Variants in ADGRL3 observed in about 807,000 individuals in gnomAD.
ADGRL3 encodes the protein adhesion G protein-coupled receptor L3.
In ADGRL3, 62 loss-of-function variants were observed where a neutral mutation model predicts 153.5. The ratio of observed to expected loss-of-function variants is 0.40; its 90% CI spans 0.33 to 0.50. ADGRL3 has a LOEUF of 0.50. Among genes scored for constraint, ADGRL3 ranks in the 20% least tolerant of loss-of-function variants. The pLI is 0.47. For synonymous variants in ADGRL3, 710 were observed against 672.5 expected, an observed-to-expected ratio of 1.06 and a Z score of -0.86; for missense variants, 1,641 against 1,859.4, an observed-to-expected ratio of 0.88 and a Z score of 2.16.
chr4:61,965,618 G>T (rs1393569326), intron 17 of ADGRL3, among the ~76,000 whole-genome samples: 3 of 151,956 alleles, frequency 2.0e-5, no homozygotes, highest in Non-Finnish European at 2.9e-5. Context: ...AGGCTTGGTG[G>T]CAGGCACCTG....
intron 5 of ADGRL3, among the ~76,000 whole-genome samples, chr4:61,619,916 G>A (rs1419644378): frequency 6.6e-6 from 1 of 152,116 alleles, no homozygotes; most frequent in African/African-American, 2.4e-5. Flanking sequence ...TCTTGTAACG[G>A]CAAATAGTTA....
intron 1 of ADGRL3, among the ~76,000 whole-genome samples, chr4:61,240,336 C>T (rs1186717792): frequency 1.3e-5 from 2 of 152,102 alleles, no homozygotes; most frequent in African/African-American, 2.4e-5. Flanking sequence ...AATACTGTCA[C>T]ATTGGGTCTT....
intron 8 of ADGRL3, among the ~76,000 whole-genome samples, chr4:61,783,880 G>A (rs374271750): frequency 6.6e-6 from 1 of 151,942 alleles, no homozygotes; most frequent in South Asian, 2.1e-4. Context: ...GACACTCCTA[G>A]AAAATGAAGA....
chr4:61,760,393 C>A (rs950929207), intron 8 of ADGRL3, among the ~76,000 whole-genome samples: 1 of 152,122 alleles, frequency 6.6e-6, no homozygotes, highest in Non-Finnish European at 1.5e-5. Context: ...GCTGCCTTGC[C>A]GTTTGATCTC....
chr4:61,313,599 C>A (rs959448912), intron 1 of ADGRL3, among the ~76,000 whole-genome samples: 1 of 152,108 alleles, frequency 6.6e-6, no homozygotes, highest in Admixed American at 6.6e-5. Context: ...ATAACACAAC[C>A]AATTTTACCA....
At chr4:62,007,269 A>G (rs781481665) in intron 21 of ADGRL3, among the ~76,000 whole-genome samples, 6 of 147,232 alleles carry the variant, frequency 4.1e-5, no homozygotes, top group Non-Finnish European at 7.5e-5. Context: ...CTGCAAGGGA[A>G]TCTGGGAAAG....
At chr4:61,207,116 G>C (rs1008221576) in intron 1 of ADGRL3, among the ~76,000 whole-genome samples, 3 of 152,028 alleles carry the variant, frequency 2.0e-5, no homozygotes, top group East Asian at 3.9e-4. Context: ...TTGTTACACA[G>C]GTATACACGT....
chr4:61,871,455 G>T (rs964581353), intron 9 of ADGRL3, among the ~76,000 whole-genome samples: 12 of 152,166 alleles, frequency 7.9e-5, no homozygotes, highest in African/African-American at 2.9e-4. Flanking sequence ...ATGAGGTACT[G>T]ATTCAAGCTA....
chr4:61,857,557 A>G (rs76512065), intron 9 of ADGRL3, among the ~76,000 whole-genome samples: 1 of 151,950 alleles, frequency 6.6e-6, no homozygotes, highest in Non-Finnish European at 1.5e-5. Context: ...ATTGAGAAGA[A>G]CTTTGGAGGG....
At chr4:61,423,622 T>G (rs1355393869) in intron 2 of ADGRL3, among the ~76,000 whole-genome samples, 1 of 152,124 alleles carries the variant, frequency 6.6e-6, no homozygotes, top group East Asian at 1.9e-4. Context: ...GCCAACGGAT[T>G]AGGGCCAGTA....
chr4:61,733,512 G>A lies in ADGRL3; in HGVS notation c.1357G>A (p.Val453Met), dbSNP rs1298975938. The A allele has an allele frequency of 5.0e-6, 8 of 1,613,336 alleles. No individual in the cohort carries two copies. The highest frequency in any genetic ancestry group is 2.7e-5 in the African/African-American group (2 of 74,892). The change falls in exon 8 of 27, where the codon GTG (valine) becomes ATG (methionine). Residue 453 changes from valine to methionine, a missense_variant. Physicochemically the swap from Val to Met is conservative, Grantham distance 21. This residue lies in a region of ADGRL3 where 734 missense variants were observed against 797.0 expected (regional missense o/e 0.92). Coordinates refer to ENST00000683033, the MANE Select transcript of ADGRL3 (RefSeq NM_001387552.1). ...TTATGTATGGAATAACTATCACGTC[G>A]TGAAATATTCTTTGGATTTTGGACC... is the stretch of plus-strand genomic sequence containing the variant. ...LLYVWNNYHV[V>M]KYSLDFGPLD...
chr4:61,509,448 A>G (rs1014843505), intron 3 of ADGRL3, among the ~76,000 whole-genome samples: 4 of 152,150 alleles, frequency 2.6e-5, no homozygotes, highest in South Asian at 2.1e-4. Flanking sequence ...CTTAATGTCC[A>G]TAAGTTTCAA....
intron 4 of ADGRL3, among the ~76,000 whole-genome samples, chr4:61,556,809 G>A (rs2098769301): frequency 6.6e-6 from 1 of 152,178 alleles, no homozygotes; most frequent in Non-Finnish European, 1.5e-5. Context: ...TCAATGGTGG[G>A]TGCCCACTTT....
chr4:61,726,398 C>T (rs906445228), intron 6 of ADGRL3, among the ~76,000 whole-genome samples: 6 of 151,692 alleles, frequency 4.0e-5, no homozygotes, highest in African/African-American at 1.2e-4. Flanking sequence ...AGGGTTTCAC[C>T]GTGTTGGCCA....
intron 5 of ADGRL3, among the ~76,000 whole-genome samples, chr4:61,608,740 C>A (rs1014010664): frequency 2.6e-5 from 4 of 152,080 alleles, no homozygotes; most frequent in African/African-American, 9.7e-5. Context: ...TTTACTATAA[C>A]TTTTATTTAT....
At chr4:61,961,925 T>C (rs2098989353) in intron 17 of ADGRL3, among the ~76,000 whole-genome samples, 1 of 152,236 alleles carries the variant, frequency 6.6e-6, no homozygotes, top group African/African-American at 2.4e-5. Flanking sequence ...CAATAAATAC[T>C]CATATACCCC....
chr4:61,356,135 C>T (rs2096162443), intron 1 of ADGRL3, among the ~76,000 whole-genome samples: 1 of 151,972 alleles, frequency 6.6e-6, no homozygotes, highest in Non-Finnish European at 1.5e-5. Flanking sequence ...TTTTATTTGA[C>T]TCTTTTCTTT....
intron 17 of ADGRL3, among the ~76,000 whole-genome samples, chr4:61,950,424 C>T (rs1405719161): frequency 6.6e-6 from 1 of 152,084 alleles, no homozygotes; most frequent in Non-Finnish European, 1.5e-5. Context: ...TTGTGAAGAA[C>T]ATTTCAATCA....
At chr4:61,979,415 C>T (rs981936529) in intron 17 of ADGRL3, 148 bp from the exon 18 acceptor site, 1 of 696,222 alleles carries the variant, frequency 1.4e-6, no homozygotes, top group Non-Finnish European at 2.5e-6. Context: ...GAAGAGAAAA[C>T]CCAAATCATT....
Sources: gnomAD v4.1 joint callset for allele counts (sites outside exome capture counted in the v4.1 genomes callset) on GRCh38, gnomAD v4.1.1 for gene constraint, gnomAD v4.1.1 regional missense constraint, MANE v1.5 for transcripts, NCBI Gene and HGNC (gene_info 2026-07-23, HGNC 2026-07-21) for gene names.